The following ANKRD30BL variants were observed in gnomAD, a reference collection of about 807,000 sequenced individuals.
ANKRD30BL encodes putative ankyrin repeat domain-containing protein 30B-like.
Under a neutral mutation model 18.4 loss-of-function variants are expected in ANKRD30BL, and 20 were observed. The observed-to-expected ratio is 1.09, with a 90% CI of 0.77 to 1.58. ANKRD30BL has a LOEUF of 1.58. ANKRD30BL is among the 40% of genes most tolerant of loss of function. The pLI is 0.00. For synonymous variants in ANKRD30BL, 72 were observed against 100.9 expected (o/e 0.71, Z 1.72); for missense variants, 224 against 268.6 (o/e 0.83, Z 1.16).
intron 1 of ANKRD30BL, among the ~76,000 whole-genome samples, chr2:132,228,187 A>G (rs1294734576): frequency 6.6e-6 from 1 of 152,066 alleles, no homozygotes; most frequent in African/African-American, 2.4e-5. Flanking sequence ...GCAGTTTTGA[A>G]TCTCTCTTTT....
At chr2:132,256,540 C>T (rs1680844772) in intron 1 of ANKRD30BL, among the ~76,000 whole-genome samples, 1 of 152,232 alleles carries the variant, frequency 6.6e-6, no homozygotes, top group South Asian at 2.1e-4. Flanking sequence ...CCTGGGGTCT[C>T]ACCGCCAGTG....
chr2:132,211,794 A>G (rs1345411794), intron 1 of ANKRD30BL, among the ~76,000 whole-genome samples: 5 of 152,132 alleles, frequency 3.3e-5, no homozygotes, highest in Non-Finnish European at 5.9e-5. Context: ...GTGTGCATTC[A>G]TCTCACAGAG....
intron 1 of ANKRD30BL, among the ~76,000 whole-genome samples, chr2:132,158,042 G>T (rs558335343): frequency 1.3e-5 from 2 of 152,036 alleles, no homozygotes; most frequent in Non-Finnish European, 2.9e-5. Context: ...AGTATATTTT[G>T]CAGAAATTTA....
intron 1 of ANKRD30BL, among the ~76,000 whole-genome samples, chr2:132,223,299 G>A (rs1462807723): frequency 6.6e-6 from 1 of 152,106 alleles, no homozygotes; most frequent in African/African-American, 2.4e-5. Flanking sequence ...ACACTAGACA[G>A]AAGCATTCTC....
chr2:132,255,150 T>A (rs997971401), intron 1 of ANKRD30BL, among the ~76,000 whole-genome samples: 1 of 152,230 alleles, frequency 6.6e-6, no homozygotes, highest in African/African-American at 2.4e-5. Context: ...TACAACGGTA[T>A]CTGATCGTCT....
intron 1 of ANKRD30BL, among the ~76,000 whole-genome samples, chr2:132,203,508 A>G (rs1679151013): frequency 6.6e-6 from 1 of 152,144 alleles, no homozygotes. Flanking sequence ...AAATTTTACA[A>G]CAAGAAAATC....
chr2:132,157,363 A>G lies in ANKRD30BL; in HGVS notation c.279T>C (p.Asp93=), dbSNP rs1206540846. ...CAAGGACGTCAAGCTGACACTTTCT[A>G]TCTACCAGAAGTGTTACTACTTCTG... is the stretch of plus-strand genomic sequence containing the variant. The part of the protein sequence containing the change: ...GHAEVVTLLV[D]RKCQLDVLDG... The change falls in exon 2 of 6, where the codon GAT becomes GAC. Residue 93 remains aspartate, a synonymous_variant. Transcript: ENST00000409867. The G allele has an allele frequency of 1.1e-5, 8 of 751,630 alleles. No homozygotes were observed. The highest frequency in any genetic ancestry group is 9.5e-5 in the Admixed American group (5 of 52,498). 46.6% of individuals were successfully genotyped at this position (751,630 alleles called of 1,614,324 possible).
chr2:132,202,943 T>G (rs1182805937), intron 1 of ANKRD30BL, among the ~76,000 whole-genome samples: 3 of 152,212 alleles, frequency 2.0e-5, no homozygotes, highest in Non-Finnish European at 4.4e-5. Context: ...ATGGTGTTTA[T>G]TACTGGGAGA....
At chr2:132,184,100 G>T (rs534534608) in intron 1 of ANKRD30BL, among the ~76,000 whole-genome samples, 2 of 151,808 alleles carry the variant, frequency 1.3e-5, no homozygotes, top group Non-Finnish European at 2.9e-5. Flanking sequence ...TTGAGATGAA[G>T]TCTCACTCTG....
At chr2:132,174,622 G>A (rs1688331491) in intron 1 of ANKRD30BL, among the ~76,000 whole-genome samples, 1 of 152,166 alleles carries the variant, frequency 6.6e-6, no homozygotes, top group African/African-American at 2.4e-5. Flanking sequence ...ATTAAAGTAA[G>A]GGCTACAAGA....
intron 1 of ANKRD30BL, among the ~76,000 whole-genome samples, chr2:132,198,411 C>T (rs1208110371): frequency 6.7e-6 from 1 of 148,350 alleles, no homozygotes; most frequent in Non-Finnish European, 1.5e-5. Flanking sequence ...GCAAGCTCTG[C>T]CTCCCGGGTT....
At chr2:132,239,523 C>T (rs929703829) in intron 1 of ANKRD30BL, among the ~76,000 whole-genome samples, 1 of 151,926 alleles carries the variant, frequency 6.6e-6, no homozygotes, top group African/African-American at 2.4e-5. Context: ...TGTGTGTACT[C>T]AACTCACAGA....
intron 1 of ANKRD30BL, among the ~76,000 whole-genome samples, chr2:132,175,987 T>C (rs1041241646): frequency 6.6e-6 from 1 of 152,238 alleles, no homozygotes; most frequent in African/African-American, 2.4e-5. Flanking sequence ...ATTTCTTATG[T>C]CTTTCCTTTC....
intron 1 of ANKRD30BL, among the ~76,000 whole-genome samples, chr2:132,233,645 A>T (rs1480473834): frequency 6.6e-6 from 1 of 151,356 alleles, no homozygotes; most frequent in Non-Finnish European, 1.5e-5. Context: ...ACTATCCTAA[A>T]TCTATATGCA....
At chr2:132,237,107 A>G (rs545567429) in intron 1 of ANKRD30BL, among the ~76,000 whole-genome samples, 1 of 151,084 alleles carries the variant, frequency 6.6e-6, no homozygotes, top group African/African-American at 2.4e-5. Context: ...GGGGAACATC[A>G]TACTCTGGGG....
chr2:132,202,385 T>G lies in ANKRD30BL; in HGVS notation n.442-45239A>C, dbSNP rs187968461. 2.0e-4 allele frequency among the ~76,000 whole-genome samples: 31 copies of G among 151,590 alleles called. No individual in the cohort carries two copies. In the East Asian group the frequency reaches 5.4e-3, roughly 26 times the overall value. Reference sequence around the variant, plus strand: ...GAAAAAATATTATTTTAACAATTATTAAAGTAAAATAAAAATTTGTGACTC... The same window carrying G: ...GAAAAAATATTATTTTAACAATTATGAAAGTAAAATAAAAATTTGTGACTC... On this transcript the variant is annotated intron_variant and non_coding_transcript_variant, in intron 1 of 4. Coordinates refer to the ANKRD30BL transcript ENST00000470729.
intron 1 of ANKRD30BL, among the ~76,000 whole-genome samples, chr2:132,249,844 G>A (rs1334916313): frequency 6.6e-6 from 1 of 152,060 alleles, no homozygotes; most frequent in Admixed American, 6.6e-5. Flanking sequence ...GCCTCAAACT[G>A]CTCACAAATA....
At chr2:132,196,186 A>G (rs2104742494) in intron 1 of ANKRD30BL, among the ~76,000 whole-genome samples, 1 of 152,186 alleles carries the variant, frequency 6.6e-6, no homozygotes, top group East Asian at 1.9e-4. Context: ...TATAAATAAA[A>G]ACAGGCAAAA....
intron 1 of ANKRD30BL, among the ~76,000 whole-genome samples, chr2:132,160,589 C>A (rs1475544920): frequency 2.0e-5 from 3 of 151,664 alleles, no homozygotes; most frequent in Admixed American, 6.6e-5. Flanking sequence ...CAGGCGCCCA[C>A]CACCACGCCC....
Sources: gnomAD v4.1 joint callset for allele counts (sites outside exome capture counted in the v4.1 genomes callset) on GRCh38, gnomAD v4.1.1 for gene constraint, MANE v1.5 for transcripts, NCBI Gene and HGNC (gene_info 2026-07-23, HGNC 2026-07-21) for gene names.